Variants in CEP112 observed in about 807,000 individuals in gnomAD.
CEP112 encodes centrosomal protein 112.
CEP112 carries 127 observed loss-of-function variants against 153.0 expected under a neutral mutation model. The observed-to-expected ratio is 0.83, with a 90% CI of 0.72 to 0.96. The LOEUF is 0.96. Among genes scored for constraint, CEP112 ranks in the 40% least tolerant of loss-of-function variants. The pLI is 0.00. For synonymous variants in CEP112, 358 were observed against 374.4 expected (o/e 0.96, Z 0.51); for missense variants, 1,089 against 1,101.2 (o/e 0.99, Z 0.16).
At chr17:65,994,646 A>G (rs1428305392) in intron 17 of CEP112, among the ~76,000 whole-genome samples, 1 of 152,220 alleles carries the variant, frequency 6.6e-6, no homozygotes, top group Non-Finnish European at 1.5e-5. Flanking sequence ...AACTTCTAAT[A>G]GGAATTTTGT....
intron 21 of CEP112, among the ~76,000 whole-genome samples, chr17:65,786,750 C>T (rs1371245596): frequency 6.6e-6 from 1 of 151,850 alleles, no homozygotes; most frequent in Non-Finnish European, 1.5e-5. Context: ...CCACACCCGA[C>T]GACCTTTTTA....
At chr17:65,845,432 A>T (rs1012024915) in intron 21 of CEP112, among the ~76,000 whole-genome samples, 2 of 152,234 alleles carry the variant, frequency 1.3e-5, no homozygotes, top group Non-Finnish European at 2.9e-5. Context: ...TCTTAGTATA[A>T]TGCTTTAAAA....
chr17:66,148,193 T>C (rs1301453473), intron 4 of CEP112, among the ~76,000 whole-genome samples: 1 of 152,126 alleles, frequency 6.6e-6, no homozygotes, highest in Non-Finnish European at 1.5e-5. Flanking sequence ...GAGAAAGGGT[T>C]TCCCCTTATA....
chr17:65,741,365 A>C (rs1274788619), intron 23 of CEP112, among the ~76,000 whole-genome samples: 1 of 152,106 alleles, frequency 6.6e-6, no homozygotes, highest in Non-Finnish European at 1.5e-5. Flanking sequence ...AATGTCATTT[A>C]CTTTATGTAT....
intron 23 of CEP112, among the ~76,000 whole-genome samples, chr17:65,739,269 A>C (rs2050982481): frequency 1.3e-5 from 2 of 152,238 alleles, no homozygotes; most frequent in Admixed American, 6.5e-5. Flanking sequence ...TGATCCAAAG[A>C]ATTATGGGCA....
At chr17:65,701,625 C>T (rs879811565) in intron 23 of CEP112, among the ~76,000 whole-genome samples, 3 of 152,114 alleles carry the variant, frequency 2.0e-5, no homozygotes, top group Non-Finnish European at 4.4e-5. Context: ...TACCCAGGAT[C>T]GCACAAATCC....
At chr17:65,983,091 T>A (rs2063287478) in intron 17 of CEP112, among the ~76,000 whole-genome samples, 2 of 152,170 alleles carry the variant, frequency 1.3e-5, no homozygotes, top group African/African-American at 4.8e-5. Context: ...CACTGCCTAA[T>A]AAGTATAGGA....
rs1184374208 is a variant in CEP112 at position 65,800,450 on chromosome 17, T to C, written c.2395-49726A>G. Among the ~76,000 whole-genome samples the C allele has an allele frequency of 1.3e-5, 2 of 152,238 alleles. 1 individual carries two copies. Among genetic ancestry groups the C allele is most frequent in the Non-Finnish European group, 2.9e-5 (2 of 68,042 alleles). ...AGTATGTATCAGGAACTCATTACTT[T>C]TTACAGCTGAGTAATCTTTCATTTT... On this transcript the variant is annotated intron_variant, in intron 21 of 26. Coordinates refer to ENST00000535342, the MANE Select transcript of CEP112 (RefSeq NM_001199165.4).
chr17:65,656,131 T>C (rs2046052436), intron 24 of CEP112, among the ~76,000 whole-genome samples: 1 of 152,162 alleles, frequency 6.6e-6, no homozygotes, highest in Admixed American at 6.5e-5. Flanking sequence ...CCATAACTAT[T>C]GAGGGCCTGG....
chr17:66,125,804 T>C (rs2069820874), intron 6 of CEP112, among the ~76,000 whole-genome samples: 1 of 152,002 alleles, frequency 6.6e-6, no homozygotes, highest in Admixed American at 6.6e-5. Context: ...GAAAAGAGAC[T>C]ACAAATCTCT....
chr17:66,056,215 A>G (rs1386747865), intron 11 of CEP112, among the ~76,000 whole-genome samples: 2 of 152,208 alleles, frequency 1.3e-5, no homozygotes, highest in Non-Finnish European at 2.9e-5. Context: ...GTCTTTAACC[A>G]TATAGTTGGC....
chr17:66,004,613 C>T (rs970655071), intron 17 of CEP112, among the ~76,000 whole-genome samples: 50 of 152,232 alleles, frequency 3.3e-4, no homozygotes, highest in African/African-American at 1.1e-3. Flanking sequence ...AAATAAGTCC[C>T]TCTGTAGATA....
rs2044731267 is a variant in CEP112 at position 65,635,569 on chromosome 17, G to C, written c.*402C>G. On this transcript the variant is annotated 3_prime_UTR_variant, in exon 27 of 27. Transcript: ENST00000535342. Reference sequence around the variant, plus strand: ...TACAAAATAATATTTTAATAACATAGGAACATGAACATGAAAACAATGTAA... The same window carrying C: ...TACAAAATAATATTTTAATAACATACGAACATGAACATGAAAACAATGTAA... 1 of 203,156 alleles carries C rather than the reference G, an allele frequency of 4.9e-6. No homozygotes were observed. 12.6% of individuals were successfully genotyped at this position (203,156 alleles called of 1,614,324 possible).
At chr17:65,760,429 T>A (rs2052543406) in intron 21 of CEP112, among the ~76,000 whole-genome samples, 1 of 152,160 alleles carries the variant, frequency 6.6e-6, no homozygotes, top group Non-Finnish European at 1.5e-5. Context: ...GTTGAGGAAG[T>A]TCACCTCTAT....
chr17:65,937,654 C>T lies in CEP112; in HGVS notation c.1873-9965G>A, dbSNP rs1201578745. Among the ~76,000 whole-genome samples, 59 of 83,320 alleles carry T rather than the reference C, an allele frequency of 7.1e-4. 7 individuals carry two copies. The highest frequency in any genetic ancestry group is 2.0e-3 in the African/African-American group (49 of 24,028). 54.7% of individuals were successfully genotyped at this position (83,320 alleles called of 152,430 possible). A position where few individuals can be genotyped will look rare whatever the true frequency, so the allele number is the denominator to read the frequency against. On this transcript the variant is annotated intron_variant, in intron 18 of 26. Transcript: ENST00000535342. ...CCCCCGCCCGGCCAGCCGCCCTGTC[C>T]GGGAGGTGAGGGGCGCCTCTGCCCG...
At chr17:65,960,698 T>C (rs2062167286) in intron 18 of CEP112, among the ~76,000 whole-genome samples, 1 of 152,252 alleles carries the variant, frequency 6.6e-6, no homozygotes, top group Non-Finnish European at 1.5e-5. Flanking sequence ...GTTTTACTTT[T>C]TGGAGCATTG....
intron 23 of CEP112, among the ~76,000 whole-genome samples, chr17:65,741,228 C>T (rs1376731083): frequency 6.6e-6 from 1 of 151,894 alleles, no homozygotes; most frequent in Admixed American, 6.6e-5. Context: ...GAACATAGTA[C>T]GTGATGAGTA....
intron 23 of CEP112, among the ~76,000 whole-genome samples, chr17:65,712,692 A>G (rs1188803116): frequency 6.6e-6 from 1 of 152,160 alleles, no homozygotes; most frequent in Non-Finnish European, 1.5e-5. Context: ...TTCACCAGCA[A>G]ATGTAAATAG....
intron 11 of CEP112, among the ~76,000 whole-genome samples, chr17:66,057,111 G>A (rs1029254692): frequency 2.0e-5 from 3 of 152,164 alleles, no homozygotes; most frequent in Non-Finnish European, 4.4e-5. Flanking sequence ...TGATTGTGAG[G>A]TCAACCAGAT....
Sources: gnomAD v4.1 joint callset for allele counts (sites outside exome capture counted in the v4.1 genomes callset) on GRCh38, gnomAD v4.1.1 for gene constraint, MANE v1.5 for transcripts, NCBI Gene and HGNC (gene_info 2026-07-23, HGNC 2026-07-21) for gene names.